The following RANBP2 variants were observed in gnomAD, a reference collection of about 807,000 sequenced individuals.
The protein encoded by RANBP2 is RAN binding protein 2.
Under a neutral mutation model 303.6 loss-of-function variants are expected in RANBP2, and 57 were observed. That is an observed-to-expected ratio of 0.19 (90% CI 0.15 to 0.23). The LOEUF is 0.23. Among genes scored for constraint, RANBP2 ranks in the 10% least tolerant of loss-of-function variants. The pLI is 1.00. For missense variants in RANBP2, 3,138 were observed against 3,780.8 expected (o/e 0.83, Z 4.46); for synonymous variants, 1,167 against 1,301.5 (o/e 0.90, Z 2.23).
the RANBP2 span, among the ~76,000 whole-genome samples, chr2:109,717,284 A>C: frequency 1.3e-5 from 2 of 151,134 alleles, no homozygotes; most frequent in South Asian, 2.1e-4. Flanking sequence ...AAAAAAAAAA[A>C]AAAAAAACCC....
At chr2:109,417,855 G>A in the RANBP2 span, among the ~76,000 whole-genome samples, 3 of 152,132 alleles carry the variant, frequency 2.0e-5, no homozygotes, top group Non-Finnish European at 4.4e-5. Context: ...GGTGGCCGGC[G>A]GCATGCAGAG....
the RANBP2 span, among the ~76,000 whole-genome samples, chr2:109,550,116 C>A: frequency 4.0e-5 from 6 of 151,788 alleles, no homozygotes; most frequent in Non-Finnish European, 5.9e-5. Flanking sequence ...CATGGAGAAA[C>A]CCCATCTCTA....
chr2:108,915,730 C>G, the RANBP2 span, among the ~76,000 whole-genome samples: 1 of 151,822 alleles, frequency 6.6e-6, no homozygotes, highest in African/African-American at 2.4e-5. Flanking sequence ...AACCCCAACT[C>G]TACTAAAAGT....
chr2:109,615,481 C>T, the RANBP2 span: 2 of 1,613,410 alleles, frequency 1.2e-6, no homozygotes, highest in Middle Eastern at 1.6e-4. Context: ...CACCAGCTGC[C>T]GGTGAACATC....
At chr2:109,645,093 G>T in the RANBP2 span, among the ~76,000 whole-genome samples, 10 of 152,202 alleles carry the variant, frequency 6.6e-5, no homozygotes, top group Non-Finnish European at 1.3e-4. Context: ...CTGTGTGCAT[G>T]GCAGCAAGGT....
chr2:109,201,190 C>T, the RANBP2 span, among the ~76,000 whole-genome samples: 7 of 152,242 alleles, frequency 4.6e-5, no homozygotes, highest in Non-Finnish European at 1.0e-4. Flanking sequence ...GCAAGATGCA[C>T]GGTCCTGAAA....
At chr2:109,154,090 C>T in the RANBP2 span, among the ~76,000 whole-genome samples, 1 of 152,268 alleles carries the variant, frequency 6.6e-6, no homozygotes. Context: ...TGTCAATATG[C>T]TGTGGTTGCC....
At chr2:109,054,236 C>T in the RANBP2 span, among the ~76,000 whole-genome samples, 1 of 152,196 alleles carries the variant, frequency 6.6e-6, no homozygotes, top group African/African-American at 2.4e-5. Flanking sequence ...TTCACAGAGA[C>T]AATCTGGCAT....
chr2:109,116,722 T>G, the RANBP2 span, among the ~76,000 whole-genome samples: 1 of 152,252 alleles, frequency 6.6e-6, no homozygotes, highest in African/African-American at 2.4e-5. Flanking sequence ...TTTCAGAGTT[T>G]CCAGTTTTTC....
intron 9 of RANBP2, among the ~76,000 whole-genome samples, chr2:108,750,188 C>A (rs947227791): frequency 6.6e-6 from 1 of 152,260 alleles, no homozygotes; most frequent in African/African-American, 2.4e-5. Flanking sequence ...GCCACTGCAT[C>A]TGGCCATATT....
chr2:109,514,036 A>G, the RANBP2 span, among the ~76,000 whole-genome samples: 1 of 152,154 alleles, frequency 6.6e-6, no homozygotes, highest in South Asian at 2.1e-4. Context: ...TCACCACTCA[A>G]AGCTAGAACG....
the RANBP2 span, among the ~76,000 whole-genome samples, chr2:109,581,042 C>T: frequency 6.6e-6 from 1 of 152,228 alleles, no homozygotes; most frequent in Non-Finnish European, 1.5e-5. Context: ...ATATGCAGGA[C>T]AGCAAAATAC....
chr2:108,729,126 T>A lies in RANBP2; in HGVS notation c.73-6T>A, dbSNP rs201485597. Reference sequence around the variant, plus strand: ...GAAAAGTAAAACAACTTTTAATTTTTTTTAGAAGTCAATGAAAGGATTCTA... The same window carrying A: ...GAAAAGTAAAACAACTTTTAATTTTATTTAGAAGTCAATGAAAGGATTCTA... On this transcript the variant is annotated splice_polypyrimidine_tract_variant and splice_region_variant and intron_variant, in intron 1 of 28. Coordinates refer to ENST00000283195, the MANE Select transcript of RANBP2 (RefSeq NM_006267.5). 9,599 of 1,570,198 alleles carry A rather than the reference T, an allele frequency of 6.1e-3. 52 individuals carry two copies. Among genetic ancestry groups the A allele is most frequent in the Non-Finnish European group, 7.3e-3 (8,445 of 1,160,512 alleles).
At chr2:108,928,589 A>AG in the RANBP2 span, among the ~76,000 whole-genome samples, 1 of 152,158 alleles carries the variant, frequency 6.6e-6, no homozygotes, top group Admixed American at 6.5e-5. Context: ...TGTGGCCACT[A>AG]GGGGGAGGAA....
the RANBP2 span, among the ~76,000 whole-genome samples, chr2:108,927,806 C>G: frequency 6.6e-6 from 1 of 152,276 alleles, no homozygotes; most frequent in Non-Finnish European, 1.5e-5. Flanking sequence ...CCCTCCACCT[C>G]CCCACCAAGC....
chr2:109,732,918 C>G, the RANBP2 span: 3 of 768,142 alleles, frequency 3.9e-6, no homozygotes, highest in Non-Finnish European at 6.9e-6. Flanking sequence ...CTATGTGGCC[C>G]CTGTGTAGGA....
At chr2:109,616,187 G>A in the RANBP2 span, 12 of 1,374,526 alleles carry the variant, frequency 8.7e-6, no homozygotes, top group Non-Finnish European at 1.1e-5. Context: ...TGAGGGATCG[G>A]AATGGATGGG....
the RANBP2 span, among the ~76,000 whole-genome samples, chr2:109,679,958 G>A: frequency 2.0e-5 from 3 of 152,142 alleles, no homozygotes; most frequent in African/African-American, 7.2e-5. Context: ...GTGAGCAGAC[G>A]AAATCAGTCA....
the RANBP2 span, among the ~76,000 whole-genome samples, chr2:108,876,834 G>C: frequency 6.6e-6 from 1 of 152,038 alleles, no homozygotes; most frequent in Non-Finnish European, 1.5e-5. Context: ...TACAAGGCAA[G>C]ACATTTTTTA....
Sources: allele counts gnomAD v4.1 joint callset (sites outside exome capture counted in the v4.1 genomes callset), GRCh38; gene constraint gnomAD v4.1.1; transcripts MANE v1.5; gene names NCBI Gene and HGNC (gene_info 2026-07-23, HGNC 2026-07-21).